The following MAP4K4 variants were observed in gnomAD, a reference collection of about 807,000 sequenced individuals.
The protein encoded by MAP4K4 is HPK/GCK-like kinase HGK.
A neutral mutation model predicts 189.6 loss-of-function variants in MAP4K4; 38 were observed. That is an observed-to-expected ratio of 0.20 (90% CI 0.15 to 0.26). The LOEUF (loss-of-function observed/expected upper bound fraction) is 0.26, where lower values mean the gene tolerates loss of function less well. MAP4K4 is among the 10% of genes least tolerant of loss of function. MAP4K4 has a pLI of 1.00. For synonymous variants in MAP4K4, 610 were observed against 624.3 expected (o/e 0.98, Z 0.34); for missense variants, 1,054 against 1,726.9 (o/e 0.61, Z 6.91).
chr2:101,865,255 C>A (rs554287051), intron 18 of MAP4K4, among the ~76,000 whole-genome samples: 3 of 152,300 alleles, frequency 2.0e-5, no homozygotes, highest in Admixed American at 6.5e-5. Flanking sequence ...TATAGCAACT[C>A]TGAAATTTAA....
intron 32 of MAP4K4, 72 bp downstream of exon 32, chr2:101,889,007 A>G: frequency 7.7e-7 from 1 of 1,296,110 alleles, no homozygotes; most frequent in South Asian, 1.7e-5. Flanking sequence ...ATGGAGTTTG[A>G]TGATTAATTT....
chr2:101,715,183 T>TAGA (rs906138335), intron 2 of MAP4K4, among the ~76,000 whole-genome samples: 2 of 152,190 alleles, frequency 1.3e-5, no homozygotes, highest in Non-Finnish European at 2.9e-5. Context: ...GCCACCTTCT[T>TAGA]AGCCTTGCCT....
intron 32 of MAP4K4, among the ~76,000 whole-genome samples, chr2:101,889,154 G>A (rs764911986): frequency 3.3e-5 from 5 of 152,100 alleles, no homozygotes; most frequent in Non-Finnish European, 7.4e-5. Context: ...TAACATATTT[G>A]GGTTTTGCTT....
intron 3 of MAP4K4, among the ~76,000 whole-genome samples, chr2:101,806,949 G>A (rs2094997731): frequency 6.6e-6 from 1 of 152,172 alleles, no homozygotes; most frequent in Non-Finnish European, 1.5e-5. Context: ...CCTGGGCCTG[G>A]CTGGCCCTGG....
At chr2:101,858,912 C>T (rs1330720813) in intron 13 of MAP4K4, 84 bp from the exon 14 acceptor site, 4 of 923,988 alleles carry the variant, frequency 4.3e-6, no homozygotes, top group Non-Finnish European at 6.9e-6. Context: ...GTGATTGGAG[C>T]AAATGGTTCT....
rs117296608 is a variant in MAP4K4, at chr2:101,803,512, C to T, written c.180+12736C>T. On this transcript the variant is annotated intron_variant, in intron 3 of 32. Coordinates refer to ENST00000324219, the Ensembl canonical transcript of MAP4K4. ...AAAGGATCACTTTAGCACCCCTGCC[C>T]TTTTTTTTGCCTCCTGAATTTAGTT... Among the ~76,000 whole-genome samples, 29 of 151,926 alleles carry T rather than the reference C, an allele frequency of 1.9e-4. No individual in the cohort carries two copies. The East Asian group carries it at 5.6e-3, about 29-fold the overall frequency.
intron 2 of MAP4K4, among the ~76,000 whole-genome samples, chr2:101,716,337 G>C (rs1357387135): frequency 6.6e-6 from 1 of 152,072 alleles, no homozygotes; most frequent in Non-Finnish European, 1.5e-5. Flanking sequence ...CAGCTACTTG[G>C]GAGGCTGAGG....
intron 6 of MAP4K4, 55 bp downstream of exon 6, chr2:101,829,649 G>A: frequency 1.6e-6 from 2 of 1,226,106 alleles, no homozygotes; most frequent in South Asian, 1.3e-5. Context: ...CAAGCCAGCT[G>A]CACTCCCAGT....
At chr2:101,881,638 A>T (rs77281244) in intron 27 of MAP4K4, among the ~76,000 whole-genome samples, 4,884 of 152,230 alleles carry the variant, frequency 0.032, 267 homozygotes, top group African/African-American at 0.11. Context: ...TCTTGCCATT[A>T]TGTATGACGT....
chr2:101,806,048 C>T (rs972301103), intron 3 of MAP4K4, among the ~76,000 whole-genome samples: 1 of 152,046 alleles, frequency 6.6e-6, no homozygotes, highest in Non-Finnish European at 1.5e-5. Flanking sequence ...GCGTTCTTGC[C>T]CCACCCCACC....
At chr2:101,737,121 T>G (rs899042753) in intron 2 of MAP4K4, among the ~76,000 whole-genome samples, 1 of 152,034 alleles carries the variant, frequency 6.6e-6, no homozygotes, top group South Asian at 2.1e-4. Flanking sequence ...TCTTTTGAAA[T>G]TATTTGTCAC....
intron 2 of MAP4K4, among the ~76,000 whole-genome samples, chr2:101,760,789 A>C (rs2076039228): frequency 6.6e-6 from 1 of 152,076 alleles, no homozygotes; most frequent in African/African-American, 2.4e-5. Context: ...GGATCACCTG[A>C]GGTTGGGAGT....
rs922048649 is a variant in MAP4K4 at position 101,875,908 on chromosome 2, C to A, written c.3242-1095C>A. Among the ~76,000 whole-genome samples the A allele has an allele frequency of 2.6e-5, 4 of 152,268 alleles. No homozygotes were observed. In the East Asian group the frequency reaches 7.7e-4, roughly 29 times the overall value. ...GTGTAGTTTTTGAAGATAGTCATGA[C>A]GTGAGTATTTTAGCAAGATTAGGAT... On this transcript the variant is annotated intron_variant, in intron 26 of 32. Transcript: ENST00000324219.
chr2:101,862,476 G>A (rs866755707), intron 16 of MAP4K4, among the ~76,000 whole-genome samples: 11 of 152,240 alleles, frequency 7.2e-5, no homozygotes, highest in Middle Eastern at 3.4e-3. Flanking sequence ...GAGGACTCGT[G>A]TTCTTTAGCA....
intron 2 of MAP4K4, among the ~76,000 whole-genome samples, chr2:101,722,014 C>T (rs1207204536): frequency 6.6e-6 from 1 of 152,160 alleles, no homozygotes; most frequent in Non-Finnish European, 1.5e-5. Flanking sequence ...CTGAGACCTT[C>T]CTGTGGGCCT....
intron 3 of MAP4K4, among the ~76,000 whole-genome samples, chr2:101,818,419 G>A (rs1576177644): frequency 6.6e-6 from 1 of 152,096 alleles, no homozygotes; most frequent in Non-Finnish European, 1.5e-5. Context: ...TCTGTAAAGA[G>A]GGTATGCCAG....
At chr2:101,706,302 T>A (rs6734799) in intron 2 of MAP4K4, among the ~76,000 whole-genome samples, 45,815 of 152,132 alleles carry the variant, frequency 0.3, 7,331 homozygotes, top group South Asian at 0.49. Flanking sequence ...TCAATAGTAG[T>A]TGAATATTTA....
chr2:101,715,023 A>G (rs1419969469), intron 2 of MAP4K4, among the ~76,000 whole-genome samples: 1 of 152,260 alleles, frequency 6.6e-6, no homozygotes. Flanking sequence ...TACCTGCATT[A>G]GTCTGTTAGG....
intron 3 of MAP4K4, among the ~76,000 whole-genome samples, chr2:101,798,367 G>A (rs989322834): frequency 6.6e-6 from 1 of 152,134 alleles, no homozygotes. Flanking sequence ...ACTTGGTGTA[G>A]AGTAATATAA....
Sources: gnomAD v4.1 joint callset for allele counts (sites outside exome capture counted in the v4.1 genomes callset) on GRCh38, gnomAD v4.1.1 for gene constraint, MANE v1.5 for transcripts, NCBI Gene and HGNC (gene_info 2026-07-23, HGNC 2026-07-21) for gene names.